WASF3: variants seen among roughly 807,000 people sequenced by gnomAD.
WASF3 encodes WASP family member 3, also known as actin-binding protein WASF3.
WASF3 carries 11 observed loss-of-function variants against 46.6 expected under a neutral mutation model. The observed-to-expected ratio is 0.24, with a 90% CI of 0.15 to 0.39. The LOEUF is 0.39. Ranked by LOEUF, WASF3 falls within the 10% of genes least tolerant of loss-of-function variation. The pLI is 1.00. For missense variants in WASF3, 576 were observed against 669.8 expected (o/e 0.86, Z 1.55); for synonymous variants, 242 against 259.7 (o/e 0.93, Z 0.65).
intron 2 of WASF3, among the ~76,000 whole-genome samples, chr13:26,620,961 A>G (rs1270352785): frequency 2.6e-5 from 4 of 152,220 alleles, no homozygotes; most frequent in Admixed American, 1.3e-4. Flanking sequence ...TTGAGGCTGT[A>G]TAGCAAAAGC....
rs1021369195 is a variant in WASF3, at chr13:26,557,739, G to A, written c.-189G>A. The stretch of plus-strand genomic sequence containing the variant: ...CGCTGCGTGCGGTGTGGTGCGAGGC[G>A]GGTGCGCCGGGCGGCCGCGGCGCGG... On this transcript the variant is annotated 5_prime_UTR_variant, in exon 1 of 10. Transcript: ENST00000335327. 1.9e-5 allele frequency: 4 copies of A among 211,912 alleles called. No individual in the cohort carries two copies. Among genetic ancestry groups the A allele is most frequent in the African/African-American group, 9.5e-5 (4 of 42,310 alleles). The allele number at this position is 211,912 out of a possible 1,614,324, so 13.1% of individuals were successfully genotyped here.
At chr13:26,613,257 T>C (rs1386071403) in intron 2 of WASF3, among the ~76,000 whole-genome samples, 199 bp downstream of exon 2, 1 of 151,716 alleles carries the variant, frequency 6.6e-6, no homozygotes, top group Admixed American at 6.6e-5. Flanking sequence ...GTTTGGGACA[T>C]TGAAAGAGAA....
Position 26,687,876 on chromosome 13 carries a change from T to C in WASF3, c.*2031T>C, listed in dbSNP as rs1883461858. ...TAGAACTCCCCTTTGGTAATGCTTC[T>C]TTGTTTTTTTATGGCCCTTCTGTTC... On this transcript the variant is annotated 3_prime_UTR_variant, in exon 10 of 10. Transcript: ENST00000335327. 6.6e-6 allele frequency: 1 copy of C among 152,188 alleles called. No homozygotes were observed. Among genetic ancestry groups the C allele is most frequent in the Non-Finnish European group, 1.5e-5 (1 of 68,038 alleles). The allele number at this position is 152,188 out of a possible 1,614,324, so 9.4% of individuals were successfully genotyped here. A position where few individuals can be genotyped will look rare whatever the true frequency, so the allele number is the denominator to read the frequency against.
chr13:26,649,520 A>G lies in WASF3; in HGVS notation c.133+7117A>G, dbSNP rs570792364. 2.6e-5 allele frequency among the ~76,000 whole-genome samples: 4 copies of G among 152,330 alleles called. No individual in the cohort carries two copies. In the South Asian group the frequency reaches 6.2e-4, roughly 24 times the overall value. The stretch of plus-strand genomic sequence containing the variant: ...AAACCAGCCTTTTGAAAGATCCATC[A>G]AAGAACTGAAGTTACAGGACAAACT... On this transcript the variant is annotated intron_variant, in intron 3 of 9. Transcript: ENST00000335327.
At chr13:26,547,947 G>T in the WASF3 span, among the ~76,000 whole-genome samples, 17 of 152,184 alleles carry the variant, frequency 1.1e-4, no homozygotes, top group Admixed American at 1.1e-3. Context: ...ATCTAATCAT[G>T]CATTAATGTC....
At chr13:26,625,745 A>T (rs980434117) in intron 2 of WASF3, among the ~76,000 whole-genome samples, 1 of 152,212 alleles carries the variant, frequency 6.6e-6, no homozygotes, top group Non-Finnish European at 1.5e-5. Flanking sequence ...CTCCTAGCCC[A>T]GTCAGCTTGA....
intron 7 of WASF3, among the ~76,000 whole-genome samples, chr13:26,677,148 C>T (rs1308411714): frequency 1.3e-5 from 2 of 152,102 alleles, no homozygotes; most frequent in Non-Finnish European, 2.9e-5. Flanking sequence ...CTTCATTGTT[C>T]CTTTAGTAAC....
intron 2 of WASF3, 41 bp downstream of exon 2, chr13:26,613,099 C>T (rs1418201058): frequency 6.6e-6 from 1 of 151,520 alleles, no homozygotes; most frequent in African/African-American, 2.4e-5. Context: ...CATTTAATTT[C>T]TGTAACATAG....
At chr13:26,628,280 C>T (rs1881534870) in intron 2 of WASF3, among the ~76,000 whole-genome samples, 1 of 152,120 alleles carries the variant, frequency 6.6e-6, no homozygotes, top group South Asian at 2.1e-4. Flanking sequence ...GCCAGGGGCA[C>T]AGCAAAAGAA....
At chr13:26,634,691 A>C (rs990606036) in intron 2 of WASF3, among the ~76,000 whole-genome samples, 1 of 152,196 alleles carries the variant, frequency 6.6e-6, no homozygotes, top group Non-Finnish European at 1.5e-5. Flanking sequence ...GGTGGTGACA[A>C]AATCTCTCAG....
At position 26,574,601 on chromosome 13, in the gene WASF3, T is replaced by C. The variant is rs192095431; in HGVS notation, c.-109+16782T>C. Among the ~76,000 whole-genome samples the C allele has an allele frequency of 3.9e-5, 6 of 152,316 alleles. No homozygotes were observed. The East Asian group carries it at 1.2e-3, about 29-fold the overall frequency. ...TGCTTTCTAAGCAAATTTGAAAATA[T>C]CTTTCTTTTAATAAGCAAGTTAAGC... On this transcript the variant is annotated intron_variant, in intron 1 of 9. Transcript: ENST00000335327.
At chr13:26,572,500 G>T (rs184307537) in intron 1 of WASF3, among the ~76,000 whole-genome samples, 3 of 152,214 alleles carry the variant, frequency 2.0e-5, no homozygotes, top group Admixed American at 2.0e-4. Context: ...TGACTTTCTT[G>T]TTAGACTTAT....
chr13:26,671,572 T>C (rs567727171), intron 5 of WASF3, among the ~76,000 whole-genome samples: 8 of 152,220 alleles, frequency 5.3e-5, no homozygotes, highest in Admixed American at 3.3e-4. Flanking sequence ...GATTGAGATA[T>C]TATAAATTGC....
intron 2 of WASF3, among the ~76,000 whole-genome samples, chr13:26,620,992 T>C (rs1881288195): frequency 6.6e-6 from 1 of 152,184 alleles, no homozygotes; most frequent in South Asian, 2.1e-4. Context: ...TTTAAAATGG[T>C]GGAATGCTGC....
intron 6 of WASF3, among the ~76,000 whole-genome samples, chr13:26,674,307 T>C (rs1883001758): frequency 6.6e-6 from 1 of 152,218 alleles, no homozygotes; most frequent in African/African-American, 2.4e-5. Context: ...ACACTTGATC[T>C]TAGCCAAAAG....
chr13:26,552,287 G>T, the WASF3 span, among the ~76,000 whole-genome samples: 1 of 152,226 alleles, frequency 6.6e-6, no homozygotes, highest in East Asian at 1.9e-4. Flanking sequence ...ACAGCATACT[G>T]CACATAGAGC....
At chr13:26,539,325 C>A in the WASF3 span, among the ~76,000 whole-genome samples, 23 of 152,278 alleles carry the variant, frequency 1.5e-4, no homozygotes, top group South Asian at 3.9e-3. Context: ...GATGGACCCT[C>A]ATGCAGGATC....
the WASF3 span, among the ~76,000 whole-genome samples, chr13:26,543,643 A>G: frequency 6.6e-6 from 1 of 152,084 alleles, no homozygotes; most frequent in African/African-American, 2.4e-5. Context: ...TGGTGCCCTT[A>G]TTGCCTTCAC....
chr13:26,599,146 G>C (rs1459497556), intron 1 of WASF3, among the ~76,000 whole-genome samples: 1 of 150,226 alleles, frequency 6.7e-6, no homozygotes, highest in Non-Finnish European at 1.5e-5. Flanking sequence ...ACAGGCGTCA[G>C]CCGCTGCGCC....
Sources: gnomAD v4.1 joint callset for allele counts (sites outside exome capture counted in the v4.1 genomes callset) on GRCh38, gnomAD v4.1.1 for gene constraint, MANE v1.5 for transcripts, NCBI Gene and HGNC (gene_info 2026-07-23, HGNC 2026-07-21) for gene names.